The following ACSBG1 variants were observed in gnomAD, a reference collection of about 807,000 sequenced individuals.
The protein encoded by ACSBG1 is acyl-CoA synthetase bubblegum family member 1.
Under a neutral mutation model 80.2 loss-of-function variants are expected in ACSBG1, and 39 were observed. The observed-to-expected ratio is 0.49, with a 90% CI of 0.38 to 0.64. The LOEUF is 0.64. ACSBG1 is among the 30% of genes least tolerant of loss of function. The pLI is 0.00. For synonymous variants in ACSBG1, 392 were observed against 379.5 expected (o/e 1.03, Z -0.38); for missense variants, 828 against 966.4 (o/e 0.86, Z 1.90).
Position 78,172,701 on chromosome 15 carries a change from G to C in ACSBG1, c.2089+892C>G, listed in dbSNP as rs1166260239. Among the ~76,000 whole-genome samples, 2 of 152,202 alleles carry C rather than the reference G, an allele frequency of 1.3e-5. No individual in the cohort carries two copies. Among genetic ancestry groups the C allele is most frequent in the African/African-American group, 4.8e-5 (2 of 41,444 alleles). On this transcript the variant is annotated intron_variant, in intron 13 of 13. Coordinates refer to ENST00000258873, the MANE Select transcript of ACSBG1 (RefSeq NM_015162.5). This position sits in a 1 kb window ranked among gnomAD's most constrained non-coding sequence, Gnocchi z 4.1. ...AGCTTTGCTGTAGACAATTGCATCT[G>C]GGTTCAGCCGTGATGGATTTGAGGG... is the stretch of plus-strand genomic sequence containing the variant.
chr15:78,215,605 G>T (rs777258508), intron 1 of ACSBG1, among the ~76,000 whole-genome samples: 1 of 151,684 alleles, frequency 6.6e-6, no homozygotes, highest in African/African-American at 2.4e-5. Flanking sequence ...CCAGTGAGCC[G>T]AGATTGTGCC....
Position 78,194,652 on chromosome 15 carries a change from AG to A in ACSBG1, c.306del (p.Tyr103ThrfsTer48). ...TCGTAGAACATCCGATGCACAGTGT[AG>A]GGAAGCTGTGGGCAGCTGGGGTCTA... Reference protein sequence around the residue: ...LRIDPSCPQLPYTVHRMFYEA... With the variant: ...LRIDPSCPQLXYTVHRMFYEA... On this transcript the variant is annotated frameshift_variant, in exon 3 of 14. Coordinates refer to ENST00000258873, the MANE Select transcript of ACSBG1 (RefSeq NM_015162.5). LOFTEE classifies it high-confidence loss of function. The A allele has an allele frequency of 6.2e-7, 1 of 1,614,234 alleles. No individual in the cohort carries two copies. Among genetic ancestry groups the A allele is most frequent in the Non-Finnish European group, 8.5e-7 (1 of 1,180,040 alleles).
At chr15:78,230,602 G>T (rs1288744292) in intron 1 of ACSBG1, among the ~76,000 whole-genome samples, 1 of 152,230 alleles carries the variant, frequency 6.6e-6, no homozygotes, top group Non-Finnish European at 1.5e-5. Context: ...CCCATGTGTT[G>T]TGAGACAGAC....
At chr15:78,233,695 TGC>T (rs891727437) in intron 1 of ACSBG1, among the ~76,000 whole-genome samples, 48 of 151,998 alleles carry the variant, frequency 3.2e-4, no homozygotes, top group African/African-American at 9.6e-4. Context: ...TCCGTGTGTG[TGC>T]GTGTGCGCGT....
intron 2 of ACSBG1, among the ~76,000 whole-genome samples, chr15:78,205,852 C>G (rs966284489): frequency 6.6e-6 from 1 of 152,188 alleles, no homozygotes; most frequent in Non-Finnish European, 1.5e-5. Flanking sequence ...CCCTCCCAAT[C>G]TGTGCCAGCC....
intron 11 of ACSBG1, among the ~76,000 whole-genome samples, chr15:78,175,863 C>T (rs932316836): frequency 1.3e-5 from 2 of 151,996 alleles, no homozygotes; most frequent in African/African-American, 4.8e-5. Context: ...GACAAAAACC[C>T]AGCCTCCCCA....
chr15:78,199,963 C>A (rs925261542), intron 2 of ACSBG1, among the ~76,000 whole-genome samples: 1 of 152,200 alleles, frequency 6.6e-6, no homozygotes, highest in South Asian at 2.1e-4. Context: ...CCACTCTCCA[C>A]TGAAGGACGC....
At chr15:78,197,613 G>T (rs967447347) in intron 2 of ACSBG1, among the ~76,000 whole-genome samples, 4 of 151,610 alleles carry the variant, frequency 2.6e-5, no homozygotes, top group Non-Finnish European at 4.4e-5. Flanking sequence ...CAACTACTTG[G>T]GAAGCTGAGG....
Position 78,208,033 on chromosome 15 carries a change from C to T in ACSBG1, c.201G>A (p.Glu67=). The change falls in exon 2 of 14, where the codon GAG becomes GAA. Residue 67 remains glutamate (E), a synonymous_variant. Coordinates refer to ENST00000258873, the MANE Select transcript of ACSBG1 (RefSeq NM_015162.5). ...LNHALELSVP[E]KVNNAQWDAP... ...CATCCCACTGGGCATTATTCACCTTCTCTGGCACTGAGAGCTCGAGAGCAT... is the reference window on the plus strand; with the variant it reads ...CATCCCACTGGGCATTATTCACCTTTTCTGGCACTGAGAGCTCGAGAGCAT... 1 of 1,570,188 alleles carries T rather than the reference C, an allele frequency of 6.4e-7. No homozygotes were observed. The highest frequency in any genetic ancestry group is 8.7e-7 in the Non-Finnish European group (1 of 1,151,952).
At position 78,172,379 on chromosome 15, in the gene ACSBG1, G is replaced by C. The variant is rs899551253; in HGVS notation, c.2090-850C>G. 3.3e-5 allele frequency among the ~76,000 whole-genome samples: 5 copies of C among 152,188 alleles called. No individual in the cohort carries two copies. The highest frequency in any genetic ancestry group is 4.8e-5 in the African/African-American group (2 of 41,422). On this transcript the variant is annotated intron_variant, in intron 13 of 13. Transcript: ENST00000258873. The surrounding 1 kb of genome is among the most constrained non-coding windows in gnomAD (Gnocchi z 4.1). ...ACATTATGCTTTGATGGTTGTGATG[G>C]GGGTAGGGGAAGCCCAGGTTATGGG... is the stretch of plus-strand genomic sequence containing the variant.
At chr15:78,221,825 G>A (rs755117738) in intron 1 of ACSBG1, among the ~76,000 whole-genome samples, 1 of 152,184 alleles carries the variant, frequency 6.6e-6, no homozygotes, top group Non-Finnish European at 1.5e-5. Flanking sequence ...CAAACATATT[G>A]TTAACAAGGC....
chr15:78,210,894 G>A (rs956564240), intron 1 of ACSBG1, among the ~76,000 whole-genome samples: 10 of 152,214 alleles, frequency 6.6e-5, no homozygotes, highest in South Asian at 2.1e-4. Context: ...GATTATAGGC[G>A]CAAGTCACCA....
chr15:78,179,815 TCA>T (rs58848105), intron 9 of ACSBG1, 35 bp from the exon 10 acceptor site: 366,061 of 926,366 alleles, frequency 0.4, 38,709 homozygotes, highest in African/African-American at 0.43. Flanking sequence ...ACAGAAGAAA[TCA>T]CACACACACA....
At chr15:78,214,065 C>T (rs2075288594) in intron 1 of ACSBG1, among the ~76,000 whole-genome samples, 1 of 152,174 alleles carries the variant, frequency 6.6e-6, no homozygotes, top group Non-Finnish European at 1.5e-5. Flanking sequence ...CCAACCATCC[C>T]AGCTCCCCCC....
intron 9 of ACSBG1, among the ~76,000 whole-genome samples, chr15:78,180,146 A>G (rs1031679031): frequency 6.6e-6 from 1 of 152,226 alleles, no homozygotes; most frequent in Non-Finnish European, 1.5e-5. Context: ...GTGGGACCCC[A>G]GTGAAGCCCA....
At chr15:78,179,157 G>C (rs117723619) in intron 10 of ACSBG1, among the ~76,000 whole-genome samples, 95 of 152,226 alleles carry the variant, frequency 6.2e-4, no homozygotes, top group East Asian at 2.9e-3. Context: ...CGTCCATTAG[G>C]AGGCTGGCCT....
Position 78,178,455 on chromosome 15 carries a change from C to G in ACSBG1, c.1702+159G>C, listed in dbSNP as rs560683383. On this transcript the variant is annotated intron_variant, in intron 11 of 13. Coordinates refer to ENST00000258873, the MANE Select transcript of ACSBG1 (RefSeq NM_015162.5). This position sits in a 1 kb window ranked among gnomAD's most constrained non-coding sequence, Gnocchi z 4.3. ...CTGGGATTACAGGTGCATGCCACCACGCCCAGCTAATTTTTCGTGTGTTTT... is the reference window on the plus strand; with the variant it reads ...CTGGGATTACAGGTGCATGCCACCAGGCCCAGCTAATTTTTCGTGTGTTTT... Among the ~76,000 whole-genome samples the G allele has an allele frequency of 5.9e-5, 9 of 152,174 alleles. No homozygotes were observed. Among genetic ancestry groups the G allele is most frequent in the African/African-American group, 9.7e-5 (4 of 41,432 alleles).
chr15:78,171,374 A>G lies in ACSBG1; in HGVS notation c.*70T>C, dbSNP rs1595876183. The G allele has an allele frequency of 1.5e-6, 2 of 1,339,152 alleles. No homozygotes were observed. The highest frequency in any genetic ancestry group is 4.7e-5 in the East Asian group (2 of 42,692). The allele number at this position is 1,339,152 out of a possible 1,614,324, so 83.0% of individuals were successfully genotyped here. A position where few individuals can be genotyped will look rare whatever the true frequency, so the allele number is the denominator to read the frequency against. ...AAATGCCTGTGCCCAGACTGAAGAG[A>G]CCTGGGGCTCAGGAAGAGGCTCGGA... On this transcript the variant is annotated 3_prime_UTR_variant, in exon 14 of 14. Transcript: ENST00000258873.
In ACSBG1 at chr15:78,205,306, A is replaced by G. The variant is rs139231642; in HGVS notation, c.232+2696T>C. Among the ~76,000 whole-genome samples, 357 of 152,264 alleles carry G rather than the reference A, an allele frequency of 2.3e-3. 1 individual carries two copies. The highest frequency in any genetic ancestry group is 7.1e-3 in the African/African-American group (295 of 41,556). On this transcript the variant is annotated intron_variant, in intron 2 of 13. Transcript: ENST00000258873. ...GAGCTCAGCCTGGGGACCAGAGCTC[A>G]GGACCTCAAACTTTTTGGGACCTCA... is the stretch of plus-strand genomic sequence containing the variant.
Sources: gnomAD v4.1 joint callset for allele counts (sites outside exome capture counted in the v4.1 genomes callset) on GRCh38, gnomAD v4.1.1 for gene constraint, Gnocchi (gnomAD v3.1) non-coding constraint, MANE v1.5 for transcripts, NCBI Gene and HGNC (gene_info 2026-07-23, HGNC 2026-07-21) for gene names.